Variants in TTLL13 observed in about 807,000 individuals in gnomAD.
The protein encoded by TTLL13 is tubulin tyrosine ligase like 13.
the TTLL13 span, chr15:90,253,468 G>C: frequency 1.4e-6 from 1 of 737,556 alleles, no homozygotes; most frequent in Non-Finnish European, 2.2e-6. Flanking sequence ...CTTTGTGGCT[G>C]TCCCCTTGTG....
At chr15:90,263,013 AGAG>A in the TTLL13 span, 1 of 1,536,116 alleles carries the variant, frequency 6.5e-7, no homozygotes, top group African/African-American at 1.4e-5. Flanking sequence ...AAATTGTGGA[AGAG>A]GAGGAGCTGG....
At chr15:90,256,545 TTTTCTTTCTTTCTTTC>T in the TTLL13 span, among the ~76,000 whole-genome samples, 996 of 105,452 alleles carry the variant, frequency 9.4e-3, 18 homozygotes, top group African/African-American at 0.023. Flanking sequence ...TCTCCTTCCT[TTTTCTTTCTTTCTTTC>T]TTTCTTTCTT....
At chr15:90,251,349 C>G in the TTLL13 span, among the ~76,000 whole-genome samples, 21 of 143,782 alleles carry the variant, frequency 1.5e-4, no homozygotes, top group Non-Finnish European at 3.0e-4. Context: ...TGGTCTCTAT[C>G]TCCTGACCTT....
the TTLL13 span, among the ~76,000 whole-genome samples, chr15:90,251,389 G>C: frequency 6.7e-6 from 1 of 150,090 alleles, no homozygotes; most frequent in African/African-American, 2.5e-5. Context: ...CTCCCAAAGT[G>C]CTGGGATTAC....
chr15:90,264,386 G>A, the TTLL13 span, among the ~76,000 whole-genome samples: 1 of 152,074 alleles, frequency 6.6e-6, no homozygotes, highest in Non-Finnish European at 1.5e-5. Flanking sequence ...TTGCCACGTA[G>A]CCCAGGCTGG....
At chr15:90,252,798 T>A in the TTLL13 span, among the ~76,000 whole-genome samples, 1 of 151,688 alleles carries the variant, frequency 6.6e-6, no homozygotes, top group Non-Finnish European at 1.5e-5. Flanking sequence ...AGGTCAGGAG[T>A]TCGAGACCAG....
At chr15:90,253,175 C>A in the TTLL13 span, 1 of 1,294,350 alleles carries the variant, frequency 7.7e-7, no homozygotes, top group Non-Finnish European at 1.1e-6. Context: ...TATACCTTAC[C>A]TGACCCAGCT....
chr15:90,260,441 G>A, the TTLL13 span, among the ~76,000 whole-genome samples: 1 of 152,158 alleles, frequency 6.6e-6, no homozygotes, highest in Non-Finnish European at 1.5e-5. Flanking sequence ...AGGTTATAGC[G>A]AACTGAGACT....
chr15:90,250,566 T>C, the TTLL13 span: 31 of 1,547,890 alleles, frequency 2.0e-5, no homozygotes, highest in Admixed American at 4.0e-5. Flanking sequence ...TTCTAGGGCC[T>C]GAGGGAGGTC....
the TTLL13 span, among the ~76,000 whole-genome samples, chr15:90,251,182 C>T: frequency 1.5e-5 from 2 of 134,494 alleles, no homozygotes; most frequent in African/African-American, 5.6e-5. Context: ...GGCGTGATCT[C>T]GGCTCACGGC....
chr15:90,262,205 C>T, the TTLL13 span: 1 of 1,521,962 alleles, frequency 6.6e-7, no homozygotes, highest in Non-Finnish European at 8.8e-7. Flanking sequence ...CTTTGACCGA[C>T]ATTCTCCTCT....
At chr15:90,250,540 T>C in the TTLL13 span, 1 of 1,473,716 alleles carries the variant, frequency 6.8e-7, no homozygotes, top group Non-Finnish European at 9.1e-7. Context: ...GTCGTTCTGG[T>C]GGATTCCTTC....
the TTLL13 span, chr15:90,261,950 C>T: frequency 3.6e-6 from 5 of 1,376,936 alleles, no homozygotes; most frequent in Non-Finnish European, 4.8e-6. Context: ...GTCTTCCTTT[C>T]CCTACTGAAC....
At chr15:90,261,961 A>G in the TTLL13 span, 3 of 1,454,714 alleles carry the variant, frequency 2.1e-6, no homozygotes, top group Admixed American at 2.2e-5. Context: ...CCTACTGAAC[A>G]TTCCCACAGC....
chr15:90,262,151 C>T, the TTLL13 span: 1 of 1,535,580 alleles, frequency 6.5e-7, no homozygotes, highest in Non-Finnish European at 8.7e-7. Flanking sequence ...CTCCCTCTTC[C>T]AAGAGACTGC....
the TTLL13 span, chr15:90,263,469 T>G: frequency 6.2e-6 from 3 of 487,790 alleles, no homozygotes; most frequent in African/African-American, 5.8e-5. Flanking sequence ...CCTCAGTGGC[T>G]TCTGTATAAT....
chr15:90,255,061 G>A, the TTLL13 span, among the ~76,000 whole-genome samples: 1 of 152,244 alleles, frequency 6.6e-6, no homozygotes, highest in Non-Finnish European at 1.5e-5. Context: ...GGGAAACCCA[G>A]TGGAGAGCAC....
the TTLL13 span, among the ~76,000 whole-genome samples, chr15:90,256,574 TTTC>T: frequency 2.4e-5 from 1 of 41,118 alleles, no homozygotes; most frequent in Non-Finnish European, 4.5e-5. Context: ...TCTTTCTTTC[TTTC>T]TTTCTTTCTT....
At chr15:90,256,060 A>G in the TTLL13 span, 1 of 1,567,370 alleles carries the variant, frequency 6.4e-7, no homozygotes. Context: ...AGCATGGACT[A>G]GATAGCAGGA....
Sources: allele counts gnomAD v4.1 joint callset (sites outside exome capture counted in the v4.1 genomes callset), GRCh38; gene constraint gnomAD v4.1.1; transcripts MANE v1.5; gene names NCBI Gene and HGNC (gene_info 2026-07-23, HGNC 2026-07-21).